MEIS1: variants seen among roughly 807,000 people sequenced by gnomAD.
MEIS1 encodes Meis homeobox 1.
MEIS1 carries 5 observed loss-of-function variants against 50.8 expected under a neutral mutation model. That is an observed-to-expected ratio of 0.10 (90% CI 0.05 to 0.21). The LOEUF (loss-of-function observed/expected upper bound fraction) is 0.21, where lower values mean the gene tolerates loss of function less well. Among genes scored for constraint, MEIS1 ranks in the 10% least tolerant of loss-of-function variants. MEIS1 has a pLI of 1.00. For missense variants in MEIS1, 318 were observed against 517.3 expected (o/e 0.61, Z 3.74); for synonymous variants, 176 against 179.3 (o/e 0.98, Z 0.15).
chr2:66,542,835 G>T (rs956677979), intron 8 of MEIS1, among the ~76,000 whole-genome samples: 1 of 152,104 alleles, frequency 6.6e-6, no homozygotes, highest in South Asian at 2.1e-4. Flanking sequence ...TCACTTTCTT[G>T]GCATCCACAT....
rs1473227687 is a variant in MEIS1 at position 66,516,588 on chromosome 2, TG to T, written c.888+4295del. Among the ~76,000 whole-genome samples the T allele has an allele frequency of 6.6e-5, 10 of 152,188 alleles. No homozygotes were observed. The East Asian group carries it at 1.9e-3, about 29-fold the overall frequency. On this transcript the variant is annotated intron_variant, in intron 8 of 12. Coordinates refer to ENST00000272369, the MANE Select transcript of MEIS1 (RefSeq NM_002398.3). ...CTAGCCTGGAAAATTTGTGTGTGTGTGTGTGTGTGTGTGTGTGCGGCCAAAT... is the reference window on the plus strand; with the variant it reads ...CTAGCCTGGAAAATTTGTGTGTGTGTTGTGTGTGTGTGTGTGCGGCCAAAT...
intron 1 of MEIS1, 39 bp from the exon 2 acceptor site, chr2:66,437,698 G>A: frequency 6.3e-7 from 1 of 1,597,746 alleles, no homozygotes; most frequent in Non-Finnish European, 8.6e-7. Flanking sequence ...TTGCCCGCCT[G>A]GCCTCCTGAA....
At chr2:66,440,081 A>ACACACACACACG in intron 3 of MEIS1, 97 bp downstream of exon 3, 1 of 1,085,706 alleles carries the variant, frequency 9.2e-7, no homozygotes, top group Non-Finnish European at 1.3e-6. Flanking sequence ...ACACACACAC[A>ACACACACACACG]CACACACACA....
intron 6 of MEIS1, among the ~76,000 whole-genome samples, chr2:66,452,306 A>G (rs1672294692): frequency 6.6e-6 from 1 of 151,934 alleles, no homozygotes; most frequent in Admixed American, 6.6e-5. Context: ...ACTCTTGAAC[A>G]TATAAATGTA....
intron 7 of MEIS1, among the ~76,000 whole-genome samples, chr2:66,482,794 G>A (rs1249732878): frequency 6.6e-6 from 1 of 152,082 alleles, no homozygotes; most frequent in Non-Finnish European, 1.5e-5. Flanking sequence ...TCCCAATGTT[G>A]CTCTCTTTAG....
chr2:66,484,572 T>G (rs1673092473), intron 7 of MEIS1, among the ~76,000 whole-genome samples: 1 of 152,122 alleles, frequency 6.6e-6, no homozygotes, highest in South Asian at 2.1e-4. Context: ...TATTTATTTT[T>G]TTTGAGATGG....
intron 1 of MEIS1, chr2:66,436,905 GA>G (rs1671811240): frequency 1.0e-6 from 1 of 981,906 alleles, no homozygotes; most frequent in Admixed American, 6.2e-5. Context: ...GAGGAAGATG[GA>G]AAGTTGTGCA....
intron 8 of MEIS1, among the ~76,000 whole-genome samples, chr2:66,521,937 G>T (rs1175608801): frequency 1.3e-5 from 2 of 152,170 alleles, no homozygotes; most frequent in African/African-American, 4.8e-5. Context: ...TTCCAGGAGT[G>T]TCACCTCAGG....
At chr2:66,561,248 TTAAAAAAAAGTAGTAGA>T (rs1675206086) in intron 9 of MEIS1, among the ~76,000 whole-genome samples, 1 of 152,054 alleles carries the variant, frequency 6.6e-6, no homozygotes, top group Non-Finnish European at 1.5e-5. Flanking sequence ...GATGCTGACT[TTAAAAAAAAGTAGTAGA>T]TATGATTTTA....
At chr2:66,478,722 A>G (rs1672950666) in intron 7 of MEIS1, among the ~76,000 whole-genome samples, 1 of 152,238 alleles carries the variant, frequency 6.6e-6, no homozygotes, top group African/African-American at 2.4e-5. Context: ...CCAAATAGAC[A>G]CACGCACACA....
intron 6 of MEIS1, among the ~76,000 whole-genome samples, chr2:66,453,244 T>C (rs1322114173): frequency 6.6e-6 from 1 of 151,988 alleles, no homozygotes; most frequent in Non-Finnish European, 1.5e-5. Context: ...ATGTGGCTTT[T>C]CTTTGCTCGT....
chr2:66,485,601 T>G (rs1015272735), intron 7 of MEIS1, among the ~76,000 whole-genome samples: 2 of 152,236 alleles, frequency 1.3e-5, no homozygotes, highest in Non-Finnish European at 2.9e-5. Context: ...TTATAATCCT[T>G]TGGGAATATA....
chr2:66,568,879 G>C (rs1370070999), intron 11 of MEIS1, 123 bp downstream of exon 11: 1 of 1,103,072 alleles, frequency 9.1e-7, no homozygotes, highest in Non-Finnish European at 1.4e-6. Flanking sequence ...TGCCTTGTCT[G>C]CTATCTGTGC....
intron 8 of MEIS1, among the ~76,000 whole-genome samples, chr2:66,518,267 A>C (rs957290442): frequency 1.3e-5 from 2 of 152,228 alleles, no homozygotes; most frequent in Non-Finnish European, 2.9e-5. Context: ...TTACTGTCAG[A>C]GTATGAGTGC....
intron 8 of MEIS1, among the ~76,000 whole-genome samples, chr2:66,534,549 C>G (rs1039509066): frequency 3.1e-5 from 3 of 96,920 alleles, no homozygotes; most frequent in East Asian, 5.2e-4. Flanking sequence ...AAAAAAAATT[C>G]TTTTAAAATG....
intron 8 of MEIS1, among the ~76,000 whole-genome samples, chr2:66,538,982 G>A (rs1674585110): frequency 6.6e-6 from 1 of 152,136 alleles, no homozygotes; most frequent in African/African-American, 2.4e-5. Context: ...CCGCCTCCCG[G>A]GTTCAAGCGA....
chr2:66,489,259 A>C (rs1242535375), intron 7 of MEIS1, among the ~76,000 whole-genome samples: 1 of 152,218 alleles, frequency 6.6e-6, no homozygotes, highest in East Asian at 1.9e-4. Context: ...TATGGCAAAC[A>C]AGTAGAAAAA....
intron 8 of MEIS1, among the ~76,000 whole-genome samples, chr2:66,535,738 A>G (rs1674502637): frequency 6.6e-6 from 1 of 152,234 alleles, no homozygotes; most frequent in African/African-American, 2.4e-5. Context: ...GAAGGTTCAT[A>G]AAGATAAAGG....
At chr2:66,537,795 T>C (rs1674557644) in intron 8 of MEIS1, among the ~76,000 whole-genome samples, 1 of 152,214 alleles carries the variant, frequency 6.6e-6, no homozygotes. Flanking sequence ...AGTGGAAAAG[T>C]GTTCTTCAGG....
Sources: allele counts gnomAD v4.1 joint callset (sites outside exome capture counted in the v4.1 genomes callset), GRCh38; gene constraint gnomAD v4.1.1; transcripts MANE v1.5; gene names NCBI Gene and HGNC (gene_info 2026-07-23, HGNC 2026-07-21).